The following SPIRE1 variants were observed in gnomAD, a reference collection of about 807,000 sequenced individuals.
SPIRE1 encodes spire type actin nucleation factor 1.
In SPIRE1, 40 loss-of-function variants were observed where a neutral mutation model predicts 94.1. The ratio of observed to expected loss-of-function variants is 0.43; its 90% CI spans 0.33 to 0.55. The LOEUF is 0.55. SPIRE1 is among the 20% of genes least tolerant of loss of function. The pLI, the probability that SPIRE1 is intolerant of heterozygous loss-of-function variation, is 0.06. For missense variants in SPIRE1, 838 were observed against 975.2 expected (o/e 0.86, Z 1.87); for synonymous variants, 376 against 371.7 (o/e 1.01, Z -0.13).
upstream of SPIRE1, chr18:12,661,780 GA>G (rs113024471): frequency 1.7e-3 from 241 of 141,824 alleles, no homozygotes; most frequent in South Asian, 4.8e-3. Context: ...GTCTCAAAGA[GA>G]AAAAAAAAAA....
chr18:12,561,532 CTGGGATT>C (rs2035685863), intron 2 of SPIRE1, among the ~76,000 whole-genome samples: 1 of 152,174 alleles, frequency 6.6e-6, no homozygotes, highest in Non-Finnish European at 1.5e-5. Context: ...TCCCGAAGTG[CTGGGATT>C]ACAGGCTTGA....
At chr18:12,480,028 C>G (rs1320165519) in intron 9 of SPIRE1, among the ~76,000 whole-genome samples, 157 bp from the exon 10 acceptor site, 1 of 152,214 alleles carries the variant, frequency 6.6e-6, no homozygotes, top group Non-Finnish European at 1.5e-5. Flanking sequence ...TGGATATTAA[C>G]TGTCAAATTC....
intron 14 of SPIRE1, chr18:12,452,717 G>A: frequency 3.2e-6 from 2 of 627,786 alleles, no homozygotes; most frequent in Non-Finnish European, 5.6e-6. Flanking sequence ...CCTATAAAAG[G>A]ATCAACTTAC....
At chr18:12,549,783 C>T (rs1205276141) in intron 2 of SPIRE1, among the ~76,000 whole-genome samples, 1 of 151,872 alleles carries the variant, frequency 6.6e-6, no homozygotes, top group Admixed American at 6.6e-5. Flanking sequence ...GCGGGAAAAA[C>T]CCTGTTATAT....
At chr18:12,521,672 A>G (rs526198) in intron 4 of SPIRE1, among the ~76,000 whole-genome samples, 1 of 152,010 alleles carries the variant, frequency 6.6e-6, no homozygotes, top group Non-Finnish European at 1.5e-5. Context: ...GTTTGCAGCA[A>G]CCCTGAGTTC....
At chr18:12,512,748 A>C (rs1598426603) in intron 4 of SPIRE1, among the ~76,000 whole-genome samples, 1 of 148,512 alleles carries the variant, frequency 6.7e-6, no homozygotes, top group African/African-American at 2.5e-5. Flanking sequence ...ATTTCCTTTC[A>C]GGCCCTGCCA....
At chr18:12,456,216 C>T (rs1598885102) in intron 12 of SPIRE1, among the ~76,000 whole-genome samples, 1 of 152,300 alleles carries the variant, frequency 6.6e-6, no homozygotes, top group East Asian at 1.9e-4. Context: ...ACAGGAACTA[C>T]TTTCAGAGAT....
intron 10 of SPIRE1, 71 bp downstream of exon 10, chr18:12,479,628 T>A: frequency 7.3e-7 from 1 of 1,367,428 alleles, no homozygotes; most frequent in Non-Finnish European, 9.9e-7. Flanking sequence ...AGCAAGATAA[T>A]CAGTAAACTG....
chr18:12,502,017 A>G (rs1567894195), intron 6 of SPIRE1, among the ~76,000 whole-genome samples: 2 of 152,196 alleles, frequency 1.3e-5, no homozygotes, highest in African/African-American at 4.8e-5. Flanking sequence ...TATTTATGCT[A>G]GCAAACATTT....
At position 12,528,658 on chromosome 18, in the gene SPIRE1, T is replaced by C. The variant is rs1363630124; in HGVS notation, c.729+6818A>G. Among the ~76,000 whole-genome samples the C allele has an allele frequency of 4.6e-5, 7 of 152,144 alleles. No homozygotes were observed. In the East Asian group the frequency reaches 1.2e-3, roughly 25 times the overall value. On this transcript the variant is annotated intron_variant, in intron 4 of 16. Coordinates refer to ENST00000409402, the MANE Select transcript of SPIRE1 (RefSeq NM_001128626.2). ...TGCTAAGGGGTTTACACTTTCCACC[T>C]ACAAGTATCAAGAAGTCATGAAAAG...
Position 12,512,493 on chromosome 18 carries a change from T to C in SPIRE1, c.768A>G (p.Glu256=). 6 of 1,612,820 alleles carry C rather than the reference T, an allele frequency of 3.7e-6. No homozygotes were observed. Among genetic ancestry groups the C allele is most frequent in the South Asian group, 1.1e-5 (1 of 90,894 alleles). ...KKIQEMEKSD[E]SSTDLEELKN... Reference sequence around the variant, plus strand: ...TCAGCTCTTCCAAGTCTGTGCTAGATTCATCGCTCTTTTCCATTTCTTGAA... The same window carrying C: ...TCAGCTCTTCCAAGTCTGTGCTAGACTCATCGCTCTTTTCCATTTCTTGAA... Residue 256 remains glutamate, a synonymous_variant, in exon 5 of 17, where the codon GAA becomes GAG. Coordinates refer to ENST00000409402, the MANE Select transcript of SPIRE1 (RefSeq NM_001128626.2).
Position 12,537,080 on chromosome 18 carries a change from T to C in SPIRE1, c.604-1479A>G, listed in dbSNP as rs201491239. Among the ~76,000 whole-genome samples, 3 of 152,214 alleles carry C rather than the reference T, an allele frequency of 2.0e-5. No homozygotes were observed. The East Asian group carries it at 5.8e-4, about 29-fold the overall frequency. On this transcript the variant is annotated intron_variant, in intron 3 of 16. Coordinates refer to ENST00000409402, the MANE Select transcript of SPIRE1 (RefSeq NM_001128626.2). ...TCACTAGCTTTTACAAAATACATTC[T>C]CAAGAAAATATCTCTAGTTTGAATA...
intron 10 of SPIRE1, among the ~76,000 whole-genome samples, chr18:12,478,377 A>T (rs1341020109): frequency 7.6e-6 from 1 of 132,436 alleles, no homozygotes; most frequent in Non-Finnish European, 1.6e-5. Context: ...ATGAAGCTAG[A>T]GTGTGTGTGT....
chr18:12,481,964 T>C (rs755017674), intron 9 of SPIRE1, among the ~76,000 whole-genome samples: 38 of 130,170 alleles, frequency 2.9e-4, no homozygotes, highest in Admixed American at 3.8e-4. Context: ...TCACAGAGGC[T>C]CCCACCGCTG....
chr18:12,527,707 TG>T (rs2034561693), intron 4 of SPIRE1, among the ~76,000 whole-genome samples: 1 of 152,186 alleles, frequency 6.6e-6, no homozygotes, highest in Non-Finnish European at 1.5e-5. Flanking sequence ...GTGCTGCTCC[TG>T]GCTCCTGATA....
intron 2 of SPIRE1, among the ~76,000 whole-genome samples, chr18:12,624,884 TTCTGAA>T (rs2037577640): frequency 6.6e-6 from 1 of 152,038 alleles, no homozygotes; most frequent in Non-Finnish European, 1.5e-5. Context: ...ATTTGAGTTA[TTCTGAA>T]ATCCTTTGCC....
At chr18:12,488,287 T>C (rs2033109748) in intron 8 of SPIRE1, among the ~76,000 whole-genome samples, 2 of 152,242 alleles carry the variant, frequency 1.3e-5, no homozygotes, top group Non-Finnish European at 1.5e-5. Context: ...GTTGGCCCCT[T>C]GGTGAAACTC....
chr18:12,501,618 G>C (rs1180548488), intron 6 of SPIRE1, among the ~76,000 whole-genome samples: 3 of 152,162 alleles, frequency 2.0e-5, no homozygotes, highest in African/African-American at 7.2e-5. Flanking sequence ...TCTTGACCTT[G>C]TGTTCCGCAC....
At chr18:12,583,339 C>T (rs1598495333) in intron 2 of SPIRE1, among the ~76,000 whole-genome samples, 1 of 152,134 alleles carries the variant, frequency 6.6e-6, no homozygotes, top group Non-Finnish European at 1.5e-5. Flanking sequence ...TATGGTGGCG[C>T]AAGCCTGTAA....
Sources: gnomAD v4.1 joint callset for allele counts (sites outside exome capture counted in the v4.1 genomes callset) on GRCh38, gnomAD v4.1.1 for gene constraint, MANE v1.5 for transcripts, NCBI Gene and HGNC (gene_info 2026-07-23, HGNC 2026-07-21) for gene names.